Variants in FNDC3A observed in about 807,000 individuals in gnomAD.
The protein encoded by FNDC3A is fibronectin type III domain containing 3A.
FNDC3A carries 32 observed loss-of-function variants against 148.9 expected under a neutral mutation model. That is an observed-to-expected ratio of 0.21 (90% CI 0.16 to 0.29). The LOEUF (loss-of-function observed/expected upper bound fraction) is 0.29, where lower values mean the gene tolerates loss of function less well. FNDC3A is among the 10% of genes least tolerant of loss of function. The pLI, the probability that FNDC3A is intolerant of heterozygous loss-of-function variation, is 1.00. For synonymous variants in FNDC3A, 472 were observed against 473.6 expected (o/e 1.00, Z 0.04); for missense variants, 1,191 against 1,452.8 (o/e 0.82, Z 2.93).
chr13:49,013,818 A>C (rs12020077), intron 2 of FNDC3A, among the ~76,000 whole-genome samples: 5 of 145,648 alleles, frequency 3.4e-5, no homozygotes, highest in African/African-American at 1.3e-4. Flanking sequence ...TCTTTGTTCA[A>C]TTCCCACCTA....
chr13:48,992,736 C>G (rs1323889452), intron 1 of FNDC3A, among the ~76,000 whole-genome samples: 1 of 152,068 alleles, frequency 6.6e-6, no homozygotes, highest in Non-Finnish European at 1.5e-5. Context: ...AAAGCTATTT[C>G]AAAAATCAAG....
intron 3 of FNDC3A, among the ~76,000 whole-genome samples, chr13:49,111,812 C>T (rs1467056431): frequency 6.6e-6 from 1 of 151,002 alleles, no homozygotes; most frequent in Non-Finnish European, 1.5e-5. Flanking sequence ...AGGATTACTT[C>T]GTAAAGAAGT....
intron 6 of FNDC3A, among the ~76,000 whole-genome samples, chr13:49,137,046 C>T (rs777114434): frequency 1.6e-4 from 25 of 152,130 alleles, no homozygotes; most frequent in Non-Finnish European, 3.1e-4. Flanking sequence ...ATGCTGGTCT[C>T]GATCTCCTGG....
At chr13:49,161,757 C>A (rs542035533) in intron 8 of FNDC3A, among the ~76,000 whole-genome samples, 2 of 152,152 alleles carry the variant, frequency 1.3e-5, no homozygotes, top group Non-Finnish European at 2.9e-5. Context: ...GGTTCCTTTC[C>A]ATGTTTAGTG....
In FNDC3A at chr13:49,208,114, T is replaced by C. The variant is rs1314367784; in HGVS notation, c.*719T>C. ...CAGGTCTTGAGAACATGGAAAAGAA[T>C]TGAGTGCTTTTAAATACTTTTTAGA... On this transcript the variant is annotated 3_prime_UTR_variant, in exon 26 of 26. Coordinates refer to ENST00000492622, the MANE Select transcript of FNDC3A (RefSeq NM_001079673.2). The C allele has an allele frequency of 6.6e-6, 1 of 152,212 alleles. No homozygotes were observed. The highest frequency in any genetic ancestry group is 6.5e-5 in the Admixed American group (1 of 15,284). 9.4% of individuals were successfully genotyped at this position (152,212 alleles called of 1,614,324 possible).
chr13:48,981,477 A>T (rs1951693679), intron 1 of FNDC3A, among the ~76,000 whole-genome samples: 1 of 151,210 alleles, frequency 6.6e-6, no homozygotes, highest in Admixed American at 6.6e-5. Context: ...GAAGCAATGC[A>T]GCCTTTTTTT....
chr13:49,131,040 A>G, intron 4 of FNDC3A, 97 bp from the exon 5 acceptor site: 1 of 891,554 alleles, frequency 1.1e-6, no homozygotes, highest in South Asian at 1.5e-5. Context: ...TGCTGGGACT[A>G]GAGGCATGAG....
At position 49,175,569 on chromosome 13, in the gene FNDC3A, T is replaced by C. The variant is rs200186366; in HGVS notation, c.1530+28T>C. On this transcript the variant is annotated intron_variant, in intron 13 of 25. Coordinates refer to ENST00000492622, the MANE Select transcript of FNDC3A (RefSeq NM_001079673.2). ...AAGTGCAAATATGGATTTTAAATAGTGTATTTAAAACATTTTCAGCTTAAG... is the reference window on the plus strand; with the variant it reads ...AAGTGCAAATATGGATTTTAAATAGCGTATTTAAAACATTTTCAGCTTAAG... 3.4e-5 allele frequency: 51 copies of C among 1,484,758 alleles called. No homozygotes were observed. The African/African-American group carries it at 6.0e-4, about 18-fold the overall frequency. 92.0% of individuals were successfully genotyped at this position (1,484,758 alleles called of 1,614,324 possible). A position where few individuals can be genotyped will look rare whatever the true frequency, so the allele number is the denominator to read the frequency against.
intron 2 of FNDC3A, among the ~76,000 whole-genome samples, chr13:49,070,288 C>T (rs1039935923): frequency 4.6e-5 from 7 of 151,622 alleles, no homozygotes; most frequent in South Asian, 2.1e-4. Flanking sequence ...CCCGCCACCA[C>T]GCCCAGCTAA....
chr13:48,976,554 C>T (rs192190883), intron 1 of FNDC3A: 1,840 of 152,510 alleles, frequency 0.012, 16 homozygotes, highest in South Asian at 0.023. Context: ...GCCTCCTCCC[C>T]GCGGCGAGCC....
chr13:49,053,298 G>T (rs762461648), intron 2 of FNDC3A, among the ~76,000 whole-genome samples: 2 of 152,204 alleles, frequency 1.3e-5, no homozygotes, highest in Non-Finnish European at 2.9e-5. Flanking sequence ...TTTATGACAT[G>T]AGTCTCCACA....
At chr13:49,110,316 C>G in intron 3 of FNDC3A, 13 of 1,552,412 alleles carry the variant, frequency 8.4e-6, no homozygotes, top group African/African-American at 1.4e-5. Context: ...AAAAAAAAGC[C>G]GTTCTCCAAT....
chr13:49,072,912 G>A (rs954404973), intron 2 of FNDC3A, among the ~76,000 whole-genome samples: 16 of 152,164 alleles, frequency 1.1e-4, no homozygotes, highest in African/African-American at 3.9e-4. Context: ...CTGCAAACAA[G>A]GATAATTTGA....
rs367713193 is a variant in FNDC3A, at chr13:49,038,003, GT to G, written c.99+31715del. ...GTGGGGGCTTTATTGAGTGGTAGAA[GT>G]GGCTCTCAGCAGGATGGATGGGGAG... On this transcript the variant is annotated intron_variant, in intron 2 of 25. Transcript: ENST00000492622. Among the ~76,000 whole-genome samples the G allele has an allele frequency of 2.9e-3, 436 of 152,324 alleles. 3 individuals carry two copies. Among genetic ancestry groups the G allele is most frequent in the South Asian group, 0.019 (92 of 4,830 alleles).
intron 3 of FNDC3A, chr13:49,110,383 G>A: frequency 6.2e-7 from 1 of 1,611,632 alleles, no homozygotes; most frequent in Non-Finnish European, 8.5e-7. Flanking sequence ...GTTCTCTGCT[G>A]CTACTGTAAA....
intron 25 of FNDC3A, 31 bp from the exon 26 acceptor site, chr13:49,207,050 G>GT: frequency 6.5e-7 from 1 of 1,535,210 alleles, no homozygotes; most frequent in Non-Finnish European, 9.0e-7. Context: ...GCCTTCACAC[G>GT]TAATTCTTCC....
chr13:49,146,940 A>C (rs1039999474), intron 8 of FNDC3A: 1 of 152,224 alleles, frequency 6.6e-6, no homozygotes, highest in Non-Finnish European at 1.5e-5. Flanking sequence ...ATGGTTAATC[A>C]TTTGAATGAT....
chr13:49,100,389 C>G (rs146079380), intron 3 of FNDC3A, among the ~76,000 whole-genome samples: 1 of 152,172 alleles, frequency 6.6e-6, no homozygotes, highest in African/African-American at 2.4e-5. Context: ...CCTCCTTCTT[C>G]CTGTCACCAG....
At chr13:49,202,368 ATTC>A (rs1886457537) in intron 24 of FNDC3A, among the ~76,000 whole-genome samples, 1 of 152,192 alleles carries the variant, frequency 6.6e-6, no homozygotes, top group Admixed American at 6.5e-5. Flanking sequence ...AGCAAAACAA[ATTC>A]TTCATTAATG....
Sources: allele counts gnomAD v4.1 joint callset (sites outside exome capture counted in the v4.1 genomes callset), GRCh38; gene constraint gnomAD v4.1.1; transcripts MANE v1.5; gene names NCBI Gene and HGNC (gene_info 2026-07-23, HGNC 2026-07-21).